TRIM2: variants seen among roughly 807,000 people sequenced by gnomAD.
TRIM2 encodes the protein tripartite motif-containing protein 2.
Under a neutral mutation model 75.2 loss-of-function variants are expected in TRIM2, and 20 were observed. The observed-to-expected ratio is 0.27, with a 90% CI of 0.19 to 0.39. The LOEUF (loss-of-function observed/expected upper bound fraction) is 0.39. Among genes scored for constraint, TRIM2 ranks in the 10% least tolerant of loss-of-function variants. The pLI is 1.00. For missense variants in TRIM2, 660 were observed against 990.8 expected, an observed-to-expected ratio of 0.67 and a Z score of 4.48; for synonymous variants, 373 against 388.3, an observed-to-expected ratio of 0.96 and a Z score of 0.46.
chr4:153,261,359 G>A (rs1181170007), intron 1 of TRIM2, among the ~76,000 whole-genome samples: 4 of 152,112 alleles, frequency 2.6e-5, no homozygotes, highest in Non-Finnish European at 4.4e-5. Context: ...GGAGGTGGAC[G>A]TTGCAGTAAG....
chr4:153,334,992 C>T lies in TRIM2; in HGVS notation c.*26C>T. 1 of 1,596,576 alleles carries T rather than the reference C, an allele frequency of 6.3e-7. No homozygotes were observed. The highest frequency in any genetic ancestry group is 8.6e-7 in the Non-Finnish European group (1 of 1,169,320). On this transcript the variant is annotated 3_prime_UTR_variant, in exon 12 of 12. Transcript: ENST00000338700. ...TGGTGGGCAGGTGGATACCCGCTTC[C>T]ATGGTCTTGCACTATAAACTGGAAT...
rs1361027039 is a variant in TRIM2, at chr4:153,294,233, G to A, written c.606-72G>A. The A allele has an allele frequency of 5.4e-6, 8 of 1,487,954 alleles. No individual in the cohort carries two copies. In the Admixed American group the frequency reaches 6.3e-5, roughly 12 times the overall value. 92.2% of individuals were successfully genotyped at this position (1,487,954 alleles called of 1,614,324 possible). ...GGCATAGAATTTTTTTAAACAAAAT[G>A]TAGTGTTTAGATAGATTTTGGAATA... On this transcript the variant is annotated intron_variant, in intron 4 of 11. Coordinates refer to ENST00000338700, the MANE Select transcript of TRIM2 (RefSeq NM_015271.5).
At chr4:153,307,034 A>G (rs1436340019) in intron 6 of TRIM2, among the ~76,000 whole-genome samples, 1 of 152,128 alleles carries the variant, frequency 6.6e-6, no homozygotes, top group Non-Finnish European at 1.5e-5. Flanking sequence ...AATACTTGAA[A>G]ACTTAAGTGT....
chr4:153,214,701 T>C (rs1326854129), intron 1 of TRIM2, among the ~76,000 whole-genome samples: 1 of 152,170 alleles, frequency 6.6e-6, no homozygotes, highest in Non-Finnish European at 1.5e-5. Flanking sequence ...TTCCTGATGA[T>C]AAGAAGTACC....
chr4:153,243,889 G>A (rs1747387667), intron 1 of TRIM2, among the ~76,000 whole-genome samples: 1 of 137,698 alleles, frequency 7.3e-6, no homozygotes, highest in African/African-American at 2.7e-5. Context: ...CACAATCACT[G>A]CTTGCTGCAG....
intron 1 of TRIM2, among the ~76,000 whole-genome samples, chr4:153,239,245 G>C (rs1035080605): frequency 5.9e-5 from 9 of 151,968 alleles, no homozygotes; most frequent in East Asian, 1.9e-4. Flanking sequence ...CCAGCTACTC[G>C]GGAGGCTGAG....
chr4:153,329,524 C>T (rs1297772011), intron 11 of TRIM2, among the ~76,000 whole-genome samples: 1 of 151,532 alleles, frequency 6.6e-6, no homozygotes, highest in Non-Finnish European at 1.5e-5. Context: ...AAACCCCAAA[C>T]AAGCAGAAGG....
intron 6 of TRIM2, among the ~76,000 whole-genome samples, chr4:153,312,757 C>T (rs550105330): frequency 1.2e-4 from 18 of 152,166 alleles, no homozygotes; most frequent in African/African-American, 7.2e-5. Flanking sequence ...CACATGCACA[C>T]GTATGTTTAT....
intron 3 of TRIM2, among the ~76,000 whole-genome samples, chr4:153,278,742 G>A (rs1334647756): frequency 6.6e-6 from 1 of 150,556 alleles, no homozygotes; most frequent in Non-Finnish European, 1.5e-5. Flanking sequence ...AGGCTTCAGT[G>A]AGCCATGATT....
intron 10 of TRIM2, among the ~76,000 whole-genome samples, chr4:153,326,749 G>A (rs984055560): frequency 6.6e-6 from 1 of 152,234 alleles, no homozygotes; most frequent in Non-Finnish European, 1.5e-5. Flanking sequence ...GGGACGCCAA[G>A]GCGGACAGCT....
Position 153,337,756 on chromosome 4 carries a change from TG to T in TRIM2, c.*2791del. The T allele has an allele frequency of 1.0e-6, 1 of 985,882 alleles. No homozygotes were observed. The highest frequency in any genetic ancestry group is 1.1e-4 in the East Asian group (1 of 8,822). 61.1% of individuals were successfully genotyped at this position (985,882 alleles called of 1,614,324 possible). A position where few individuals can be genotyped will look rare whatever the true frequency, so the allele number is the denominator to read the frequency against. On this transcript the variant is annotated 3_prime_UTR_variant, in exon 12 of 12. Transcript: ENST00000338700. ...CTACCATTATTGTTTGATTTCTCTTTGTCAAGTGTATAGAACCTGTCATACA... is the reference window on the plus strand; with the variant it reads ...CTACCATTATTGTTTGATTTCTCTTTTCAAGTGTATAGAACCTGTCATACA...
intron 1 of TRIM2, among the ~76,000 whole-genome samples, chr4:153,230,116 C>T (rs145785284): frequency 0.011 from 1,668 of 152,330 alleles, 19 homozygotes; most frequent in African/African-American, 0.037. Flanking sequence ...TAGGCCCTGG[C>T]TTTCTGAATT....
chr4:153,305,919 G>A (rs552306539), intron 6 of TRIM2, among the ~76,000 whole-genome samples: 9 of 152,250 alleles, frequency 5.9e-5, no homozygotes, highest in Admixed American at 3.3e-4. Flanking sequence ...GGCAGATCAC[G>A]AGGTCAGGAG....
intron 1 of TRIM2, among the ~76,000 whole-genome samples, chr4:153,171,570 A>C (rs1018240117): frequency 2.6e-5 from 4 of 152,206 alleles, no homozygotes; most frequent in African/African-American, 9.7e-5. Context: ...TAGGCAACAG[A>C]GCGAGACTCC....
intron 1 of TRIM2, among the ~76,000 whole-genome samples, chr4:153,208,167 A>G (rs1248874869): frequency 6.6e-6 from 1 of 152,120 alleles, no homozygotes. Flanking sequence ...GCATGGTGGT[A>G]CACACCTGTG....
chr4:153,266,639 C>A (rs1755194317), intron 1 of TRIM2, among the ~76,000 whole-genome samples: 1 of 131,420 alleles, frequency 7.6e-6, no homozygotes, highest in Non-Finnish European at 1.5e-5. Flanking sequence ...CTGTGCCCGA[C>A]CTTTTTTTTT....
At chr4:153,174,993 GTTGTT>G (rs1353353771) in intron 1 of TRIM2, among the ~76,000 whole-genome samples, 28 of 129,316 alleles carry the variant, frequency 2.2e-4, no homozygotes, top group Admixed American at 4.2e-4. Flanking sequence ...TGTTGTTGTT[GTTGTT>G]TTGTTTTTGT....
intron 11 of TRIM2, among the ~76,000 whole-genome samples, chr4:153,334,167 C>G (rs1772097504): frequency 6.6e-6 from 1 of 151,894 alleles, no homozygotes; most frequent in African/African-American, 2.4e-5. Flanking sequence ...TAAGCACCAT[C>G]TAGGGCCCTT....
At chr4:153,265,338 GT>G (rs34344932) in intron 1 of TRIM2, among the ~76,000 whole-genome samples, 32,265 of 149,186 alleles carry the variant, frequency 0.22, 3,893 homozygotes, top group African/African-American at 0.33. Flanking sequence ...TGTTTTTTGT[GT>G]TTTTTTTTGT....
Sources: gnomAD v4.1 joint callset for allele counts (sites outside exome capture counted in the v4.1 genomes callset) on GRCh38, gnomAD v4.1.1 for gene constraint, MANE v1.5 for transcripts, NCBI Gene and HGNC (gene_info 2026-07-23, HGNC 2026-07-21) for gene names.